Variants in NPAS3 observed in about 807,000 individuals in gnomAD.
The protein encoded by NPAS3 is neuronal PAS domain protein 3.
Under a neutral mutation model 73.1 loss-of-function variants are expected in NPAS3, and 14 were observed. The ratio of observed to expected loss-of-function variants is 0.19; its 90% confidence interval spans 0.13 to 0.30. NPAS3 has a LOEUF of 0.30. NPAS3 is among the 10% of genes least tolerant of loss of function. NPAS3 has a pLI of 1.00. For missense variants in NPAS3, 1,096 were observed against 1,250.0 expected (o/e 0.88, Z 1.86); for synonymous variants, 620 against 541.5 (o/e 1.14, Z -2.01).
intron 6 of NPAS3, among the ~76,000 whole-genome samples, chr14:33,683,162 G>A (rs1003114636): frequency 9.2e-5 from 14 of 152,168 alleles, no homozygotes; most frequent in Middle Eastern, 6.8e-3. Context: ...CAAATGTTTT[G>A]TTGAATAATA....
rs1015622773 is a variant in NPAS3 at position 33,288,378 on chromosome 14, A to G, written c.385+72952A>G. The stretch of plus-strand genomic sequence containing the variant: ...TCATATTTCATAGTCTCACAAAGCC[A>G]TTTGTCCCCATCTGATCTAGGTTAT... On this transcript the variant is annotated intron_variant, in intron 3 of 11. Coordinates refer to ENST00000356141, the Ensembl canonical transcript of NPAS3. 2.0e-4 allele frequency among the ~76,000 whole-genome samples: 31 copies of G among 152,100 alleles called. 1 individual carries two copies. Among genetic ancestry groups the G allele is most frequent in the African/African-American group, 6.5e-4 (27 of 41,434 alleles).
At chr14:33,194,646 A>G (rs184226500) in intron 2 of NPAS3, among the ~76,000 whole-genome samples, 1 of 152,208 alleles carries the variant, frequency 6.6e-6, no homozygotes, top group Non-Finnish European at 1.5e-5. Context: ...AATAAGTATT[A>G]TTAGTAACAA....
At chr14:33,582,797 G>A (rs1490410763) in intron 5 of NPAS3, among the ~76,000 whole-genome samples, 2 of 152,144 alleles carry the variant, frequency 1.3e-5, no homozygotes, top group East Asian at 1.9e-4. Context: ...TATAACTAAT[G>A]GAGAAATCCC....
chr14:33,654,570 C>A (rs1041004878), intron 5 of NPAS3, among the ~76,000 whole-genome samples: 1 of 152,104 alleles, frequency 6.6e-6, no homozygotes, highest in East Asian at 1.9e-4. Flanking sequence ...AAGACGCATT[C>A]CAAATAATAA....
At chr14:33,371,705 C>A (rs540417551) in intron 4 of NPAS3, among the ~76,000 whole-genome samples, 1 of 151,892 alleles carries the variant, frequency 6.6e-6, no homozygotes, top group Non-Finnish European at 1.5e-5. Context: ...TGTGTGTAAA[C>A]GCAAAGAGAA....
chr14:33,328,720 G>C (rs1034609995), intron 3 of NPAS3, among the ~76,000 whole-genome samples: 7 of 151,926 alleles, frequency 4.6e-5, no homozygotes, highest in African/African-American at 1.7e-4. Context: ...GCCTCCCAAA[G>C]GGTTTACCTT....
At chr14:33,313,809 C>T (rs41499245) in intron 3 of NPAS3, among the ~76,000 whole-genome samples, 5 of 151,910 alleles carry the variant, frequency 3.3e-5, no homozygotes, top group East Asian at 3.9e-4. Flanking sequence ...TTTGGGATTT[C>T]GAAAATAGCA....
intron 6 of NPAS3, among the ~76,000 whole-genome samples, chr14:33,698,735 T>A (rs1252124419): frequency 2.0e-5 from 3 of 152,198 alleles, no homozygotes; most frequent in Non-Finnish European, 4.4e-5. Flanking sequence ...CTATTTAAAA[T>A]AATCCTTTGC....
chr14:33,401,229 A>G (rs1191890117), intron 4 of NPAS3, among the ~76,000 whole-genome samples: 1 of 152,158 alleles, frequency 6.6e-6, no homozygotes. Context: ...ATCTTCAGGC[A>G]TTGGTGGCCA....
chr14:33,202,422 T>C (rs2046652490), intron 2 of NPAS3, among the ~76,000 whole-genome samples: 1 of 151,378 alleles, frequency 6.6e-6, no homozygotes, highest in Non-Finnish European at 1.5e-5. Flanking sequence ...AAGAGAGAAA[T>C]GTTACCGATA....
At chr14:33,565,234 T>C (rs568499089) in intron 5 of NPAS3, among the ~76,000 whole-genome samples, 1 of 152,242 alleles carries the variant, frequency 6.6e-6, no homozygotes, top group Non-Finnish European at 1.5e-5. Flanking sequence ...CCTTATCCTG[T>C]TGTTCATCTC....
At chr14:33,418,018 A>C (rs947797672) in intron 4 of NPAS3, among the ~76,000 whole-genome samples, 64 of 151,130 alleles carry the variant, frequency 4.2e-4, no homozygotes, top group African/African-American at 1.5e-3. Flanking sequence ...ATAGATAAAT[A>C]TTAAAAGATA....
intron 1 of NPAS3, among the ~76,000 whole-genome samples, chr14:32,944,351 T>C (rs1393723917): frequency 6.6e-6 from 1 of 152,216 alleles, no homozygotes; most frequent in Admixed American, 6.5e-5. Flanking sequence ...TTGCTTAGGA[T>C]GAATAAGGCT....
intron 4 of NPAS3, among the ~76,000 whole-genome samples, chr14:33,542,852 A>G (rs2054585505): frequency 6.6e-6 from 1 of 152,242 alleles, no homozygotes; most frequent in Admixed American, 6.5e-5. Context: ...CACTGTGACC[A>G]CTGCTTGCCA....
At chr14:33,282,718 T>TG (rs552550691) in intron 3 of NPAS3, among the ~76,000 whole-genome samples, 11 of 152,134 alleles carry the variant, frequency 7.2e-5, no homozygotes, top group Non-Finnish European at 1.0e-4. Context: ...ACTGCTAGCC[T>TG]GGAGCGGGAC....
intron 4 of NPAS3, among the ~76,000 whole-genome samples, chr14:33,450,213 G>T (rs1448916740): frequency 6.6e-6 from 1 of 152,164 alleles, no homozygotes; most frequent in African/African-American, 2.4e-5. Context: ...ATACATTGTT[G>T]TTGCTAAAGC....
At chr14:32,994,835 T>C (rs779808598) in intron 1 of NPAS3, among the ~76,000 whole-genome samples, 4 of 152,166 alleles carry the variant, frequency 2.6e-5, no homozygotes, top group Non-Finnish European at 5.9e-5. Context: ...TTTCGCCATG[T>C]TGGCCAGGCT....
At chr14:33,188,635 A>G (rs1227094988) in intron 2 of NPAS3, among the ~76,000 whole-genome samples, 1 of 152,192 alleles carries the variant, frequency 6.6e-6, no homozygotes, top group African/African-American at 2.4e-5. Flanking sequence ...TGTCAGACCT[A>G]TTGACTCTTG....
intron 1 of NPAS3, among the ~76,000 whole-genome samples, chr14:33,053,172 A>T (rs2040770007): frequency 6.6e-6 from 1 of 152,120 alleles, no homozygotes. Context: ...TTTGCTTGCC[A>T]CTAGACAAAT....
Sources: gnomAD v4.1 joint callset for allele counts (sites outside exome capture counted in the v4.1 genomes callset) on GRCh38, gnomAD v4.1.1 for gene constraint, MANE v1.5 for transcripts, NCBI Gene and HGNC (gene_info 2026-07-23, HGNC 2026-07-21) for gene names.